The following CACNA2D2 variants were observed in gnomAD, a reference collection of about 807,000 sequenced individuals.
The protein encoded by CACNA2D2 is calcium voltage-gated channel auxiliary subunit alpha2delta 2, also known as voltage-dependent calcium channel subunit alpha-2/delta-2.
Under a neutral mutation model 166.4 loss-of-function variants are expected in CACNA2D2, and 48 were observed. The observed-to-expected ratio is 0.29, with a 90% CI of 0.23 to 0.37. CACNA2D2 has a LOEUF of 0.37. Ranked by LOEUF, CACNA2D2 falls within the 10% of genes least tolerant of loss-of-function variation. The probability of loss-of-function intolerance (pLI) is 1.00; values close to 1 mark genes in which losing one functional copy is unlikely to be tolerated. For missense variants in CACNA2D2, 1,122 were observed against 1,433.0 expected (o/e 0.78, Z 3.50); for synonymous variants, 561 against 573.7 (o/e 0.98, Z 0.32).
At chr3:50,391,530 A>G (rs930893622) in intron 4 of CACNA2D2, among the ~76,000 whole-genome samples, 2 of 152,220 alleles carry the variant, frequency 1.3e-5, no homozygotes, top group African/African-American at 4.8e-5. Context: ...AATCAGGGCC[A>G]TCGTTTCCCT....
intron 2 of CACNA2D2, among the ~76,000 whole-genome samples, chr3:50,451,809 A>T (rs2106958936): frequency 6.6e-6 from 1 of 152,208 alleles, no homozygotes; most frequent in African/African-American, 2.4e-5. Context: ...TGTGTCTCAG[A>T]GCCCACCTCA....
At position 50,379,243 on chromosome 3, in the gene CACNA2D2, G is replaced by A; in HGVS notation, c.1153-44C>T. ...AGGCAGGCAGCTCTCAGCCCTCCCT[G>A]GTCCAGGGGCAGGGCCTCCCTCCCG... On this transcript the variant is annotated intron_variant, in intron 11 of 37. Transcript: ENST00000424201. The surrounding 1 kb of genome is among the most constrained non-coding windows in gnomAD (Gnocchi z 6.5). 2 of 1,548,878 alleles carry A rather than the reference G, an allele frequency of 1.3e-6. No individual in the cohort carries two copies. Among genetic ancestry groups the A allele is most frequent in the Admixed American group, 1.7e-5 (1 of 59,748 alleles).
rs1213215116 is a variant in CACNA2D2 at position 50,365,874 on chromosome 3, A to G, written c.2863-12T>C. ...TCTGCAACGGTGGGCTGCAGTGGAGAGAGGGGCGTGGACTGCCACTGCTGC... is the reference window on the plus strand; with the variant it reads ...TCTGCAACGGTGGGCTGCAGTGGAGGGAGGGGCGTGGACTGCCACTGCTGC... On this transcript the variant is annotated splice_polypyrimidine_tract_variant and intron_variant, in intron 32 of 37. Coordinates refer to ENST00000424201, the MANE Select transcript of CACNA2D2 (RefSeq NM_006030.4). This position sits in a 1 kb window ranked among gnomAD's most constrained non-coding sequence, Gnocchi z 4.5. The G allele has an allele frequency of 1.2e-6, 2 of 1,612,860 alleles. No individual in the cohort carries two copies. The highest frequency in any genetic ancestry group is 1.7e-6 in the Non-Finnish European group (2 of 1,179,976).
rs949137690 is a variant in CACNA2D2, at chr3:50,418,115, C to A, written c.405+16198G>T. Among the ~76,000 whole-genome samples, 8 of 152,256 alleles carry A rather than the reference C, an allele frequency of 5.3e-5. No individual in the cohort carries two copies. In the East Asian group the frequency reaches 1.5e-3, roughly 29 times the overall value. On this transcript the variant is annotated intron_variant, in intron 3 of 37. Transcript: ENST00000424201. ...CTCCTATTGGCCCAAAGAGACCGCACCCTGCCCTGTGAGGGATCATAGGCT... is the reference window on the plus strand; with the variant it reads ...CTCCTATTGGCCCAAAGAGACCGCAACCTGCCCTGTGAGGGATCATAGGCT...
chr3:50,368,467 T>C (rs768057979), intron 23 of CACNA2D2, among the ~76,000 whole-genome samples: 1 of 152,170 alleles, frequency 6.6e-6, no homozygotes, highest in Non-Finnish European at 1.5e-5. Context: ...GGGCAGCTGC[T>C]TTCTCCTGGG....
At chr3:50,451,521 C>A (rs932720648) in intron 2 of CACNA2D2, among the ~76,000 whole-genome samples, 5 of 152,310 alleles carry the variant, frequency 3.3e-5, no homozygotes, top group Non-Finnish European at 5.9e-5. Context: ...CAGCCTACCT[C>A]CATCCACGCT....
intron 1 of CACNA2D2, among the ~76,000 whole-genome samples, chr3:50,484,560 T>C (rs369714872): frequency 3.0e-4 from 45 of 152,244 alleles, no homozygotes; most frequent in African/African-American, 9.6e-4. Context: ...TGCCTGAAAC[T>C]GTCTCTCCTC....
In CACNA2D2 at chr3:50,366,828, T is replaced by C. The variant is rs1253537255; in HGVS notation, c.2589+3A>G. On this transcript the variant is annotated splice_donor_region_variant and intron_variant, in intron 29 of 37. Coordinates refer to ENST00000424201, the MANE Select transcript of CACNA2D2 (RefSeq NM_006030.4). This position sits in a 1 kb window ranked among gnomAD's most constrained non-coding sequence, Gnocchi z 5.9. The stretch of plus-strand genomic sequence containing the variant: ...GTTACTGCCCCCGCCCCTGCCCAAA[T>C]ACCTTCTGAGGCTGGTCTTGGTGGG... 1 of 1,613,394 alleles carries C rather than the reference T, an allele frequency of 6.2e-7. No homozygotes were observed.
chr3:50,403,124 T>C (rs1479827993), intron 3 of CACNA2D2, among the ~76,000 whole-genome samples: 2 of 152,184 alleles, frequency 1.3e-5, no homozygotes, highest in African/African-American at 4.8e-5. Context: ...AGCACTGCCC[T>C]CACCTCTCTG....
rs568239408 is a variant in CACNA2D2, at chr3:50,479,159, C to T, written c.207-2960G>A. On this transcript the variant is annotated intron_variant, in intron 1 of 37. Coordinates refer to ENST00000424201, the MANE Select transcript of CACNA2D2 (RefSeq NM_006030.4). Reference sequence around the variant, plus strand: ...AATCCTTCCCCAAGATATACACGCTCACTCTCCCTCCCTCCTTGTCTCTCT... The same window carrying T: ...AATCCTTCCCCAAGATATACACGCTTACTCTCCCTCCCTCCTTGTCTCTCT... Among the ~76,000 whole-genome samples the T allele has an allele frequency of 2.5e-4, 38 of 152,340 alleles. No homozygotes were observed. The South Asian group carries it at 6.4e-3, about 26-fold the overall frequency.
At chr3:50,415,738 G>T (rs1707239093) in intron 3 of CACNA2D2, 1 of 152,250 alleles carries the variant, frequency 6.6e-6, no homozygotes, top group African/African-American at 2.4e-5. Context: ...TCCAGAGGGT[G>T]CCCAGCACTT....
At chr3:50,392,829 G>A (rs1325505853) in intron 4 of CACNA2D2, among the ~76,000 whole-genome samples, 1 of 152,262 alleles carries the variant, frequency 6.6e-6, no homozygotes, top group Non-Finnish European at 1.5e-5. Flanking sequence ...GTAGGAGAGA[G>A]GGAGAGAAGG....
chr3:50,405,440 A>T (rs1706659495), intron 3 of CACNA2D2, among the ~76,000 whole-genome samples: 1 of 152,198 alleles, frequency 6.6e-6, no homozygotes, highest in African/African-American at 2.4e-5. Flanking sequence ...GAAGACTTTC[A>T]GCACCATGGA....
At chr3:50,469,030 T>C (rs1286365028) in intron 2 of CACNA2D2, among the ~76,000 whole-genome samples, 2 of 152,036 alleles carry the variant, frequency 1.3e-5, no homozygotes, top group African/African-American at 4.8e-5. Context: ...GGTTTTGCTA[T>C]GTTGGCCAGG....
Position 50,380,671 on chromosome 3 carries a change from TG to T in CACNA2D2, c.842+76del, listed in dbSNP as rs997308907. ...TGCGCCCTGCTAGGAGGCTTGGAAATGGGGAGGGAGGGGAGCAGGCAGGAAA... is the reference window on the plus strand; with the variant it reads ...TGCGCCCTGCTAGGAGGCTTGGAAATGGGAGGGAGGGGAGCAGGCAGGAAA... On this transcript the variant is annotated intron_variant, in intron 8 of 37. Coordinates refer to ENST00000424201, the MANE Select transcript of CACNA2D2 (RefSeq NM_006030.4). This position sits in a 1 kb window ranked among gnomAD's most constrained non-coding sequence, Gnocchi z 4.9. 11 of 1,196,280 alleles carry T rather than the reference TG, an allele frequency of 9.2e-6. No homozygotes were observed. Among genetic ancestry groups the T allele is most frequent in the South Asian group, 1.7e-5 (1 of 59,690 alleles). 74.1% of individuals were successfully genotyped at this position (1,196,280 alleles called of 1,614,324 possible).
intron 3 of CACNA2D2, among the ~76,000 whole-genome samples, chr3:50,403,051 CCA>C (rs1264265993): frequency 1.3e-5 from 2 of 152,150 alleles, no homozygotes; most frequent in Non-Finnish European, 2.9e-5. Context: ...CCTTGTCCAG[CCA>C]CAGAGGCCAA....
In CACNA2D2 at chr3:50,367,333, T is replaced by G; in HGVS notation, c.2401+61A>C. On this transcript the variant is annotated intron_variant, in intron 27 of 37. Coordinates refer to ENST00000424201, the MANE Select transcript of CACNA2D2 (RefSeq NM_006030.4). The surrounding 1 kb of genome is among the most constrained non-coding windows in gnomAD (Gnocchi z 6.5). ...TCAGACAGCAGAGCCCAGTTCTGGC[T>G]GAGCAGACAGGGAAGCTGAGGCTCC... 1 of 1,476,464 alleles carries G rather than the reference T, an allele frequency of 6.8e-7. No homozygotes were observed. Among genetic ancestry groups the G allele is most frequent in the East Asian group, 2.3e-5 (1 of 43,496 alleles). The allele number at this position is 1,476,464 out of a possible 1,614,324, so 91.5% of individuals were successfully genotyped here.
intron 4 of CACNA2D2, among the ~76,000 whole-genome samples, chr3:50,393,432 G>A (rs561522979): frequency 1.2e-4 from 19 of 152,238 alleles, no homozygotes; most frequent in Non-Finnish European, 2.5e-4. Context: ...ATGCTGGCCC[G>A]AGGGCCGGTA....
rs1419803231 is a variant in CACNA2D2 at position 50,365,370 on chromosome 3, GCA to G, written c.3082_3083del (p.Cys1028ArgfsTer49). Reference protein sequence around the residue: ...VNASYNAIIDCGNCSRLFHAQ... With the variant: ...VNASYNAIIDXGNCSRLFHAQ... ...ACTGCCAGCACCTGGAGCAGTTTCC[GCA>G]GTCGATGATGGCGTTGTAGGAGGCG... On this transcript the variant is annotated frameshift_variant, in exon 35 of 38. Transcript: ENST00000424201. LOFTEE classifies it high-confidence loss of function. This position sits in a 1 kb window ranked among gnomAD's most constrained non-coding sequence, Gnocchi z 4.5. The G allele has an allele frequency of 6.2e-7, 1 of 1,613,220 alleles. No individual in the cohort carries two copies. The highest frequency in any genetic ancestry group is 8.5e-7 in the Non-Finnish European group (1 of 1,179,748).
Sources: gnomAD v4.1 joint callset for allele counts (sites outside exome capture counted in the v4.1 genomes callset) on GRCh38, gnomAD v4.1.1 for gene constraint, Gnocchi (gnomAD v3.1) non-coding constraint, MANE v1.5 for transcripts, NCBI Gene and HGNC (gene_info 2026-07-23, HGNC 2026-07-21) for gene names.